The following ALDH1L1 variants were observed in gnomAD, a reference collection of about 807,000 sequenced individuals.
The protein encoded by ALDH1L1 is aldehyde dehydrogenase 1 family member L1, also known as cytosolic 10-formyltetrahydrofolate dehydrogenase.
A neutral mutation model predicts 101.1 loss-of-function variants in ALDH1L1; 68 were observed. The ratio of observed to expected loss-of-function variants is 0.67; its 90% CI spans 0.55 to 0.82. The LOEUF is 0.82. Ranked by LOEUF, ALDH1L1 falls within the 40% of genes least tolerant of loss-of-function variation. The probability of loss-of-function intolerance (pLI) is 0.00; values close to 1 mark genes in which losing one functional copy is unlikely to be tolerated. For synonymous variants in ALDH1L1, 486 were observed against 470.8 expected (o/e 1.03, Z -0.42); for missense variants, 1,087 against 1,172.7 (o/e 0.93, Z 1.07).
intron 22 of ALDH1L1, chr3:126,105,491 T>C (rs4646755): frequency 7.1e-6 from 4 of 561,334 alleles, no homozygotes; most frequent in East Asian, 6.7e-5. Context: ...GCCTCCTGGC[T>C]GGAGTGTCTC....
upstream of ALDH1L1, chr3:126,180,789 A>G (rs1451364145): frequency 6.7e-7 from 1 of 1,491,466 alleles, no homozygotes; most frequent in Non-Finnish European, 8.9e-7. Flanking sequence ...GCTTAGGTCA[A>G]GAAGACTTAC....
At chr3:126,105,543 C>A (rs778992026) in intron 22 of ALDH1L1, 183 bp downstream of exon 22, 121 of 713,158 alleles carry the variant, frequency 1.7e-4, no homozygotes, top group Non-Finnish European at 4.7e-5. Context: ...CACGACCCCC[C>A]TCTGCAAGCA....
chr3:126,172,245 A>C (rs1204389614), intron 1 of ALDH1L1, among the ~76,000 whole-genome samples: 1 of 152,212 alleles, frequency 6.6e-6, no homozygotes, highest in Non-Finnish European at 1.5e-5. Context: ...CCTAAACCAC[A>C]ATCAGATATG....
chr3:126,112,956 C>T (rs79298645), intron 18 of ALDH1L1, 76 bp from the exon 19 acceptor site: 77,918 of 1,376,384 alleles, frequency 0.057, 2,825 homozygotes, highest in African/African-American at 0.15. Context: ...AGGGCCCAGC[C>T]GCCTCTTCTA....
At chr3:126,138,892 T>C (rs1451557458) in intron 9 of ALDH1L1, among the ~76,000 whole-genome samples, 1 of 152,252 alleles carries the variant, frequency 6.6e-6, no homozygotes, top group East Asian at 1.9e-4. Flanking sequence ...TGTTGGAACT[T>C]TGGGGTCTAG....
At position 126,150,443 on chromosome 3, in the gene ALDH1L1, A is replaced by C. The variant is rs1412606178; in HGVS notation, c.947T>G (p.Leu316Arg). ...CGCAGTAACCAGCTCTGCCTCTGTC[A>C]GCTCAAGGACACTGCTGGCTGCCCC... The part of the protein sequence containing the change: ...FKGAASSVLE[L>R]TEAELVTAEA... The change falls in exon 8 of 23, where the codon CTG (leucine) becomes CGG (arginine). Residue 316 changes from leucine to arginine, a missense_variant. Physicochemically the swap from Leu to Arg is moderately radical, Grantham distance 102 (BLOSUM62 -2). Transcript: ENST00000393434. The C allele has an allele frequency of 1.3e-6, 2 of 1,551,628 alleles. No individual in the cohort carries two copies. The highest frequency in any genetic ancestry group is 4.9e-5 in the East Asian group (2 of 40,920).
chr3:126,149,714 C>T (rs567192070), intron 8 of ALDH1L1, among the ~76,000 whole-genome samples: 8 of 152,128 alleles, frequency 5.3e-5, no homozygotes, highest in African/African-American at 1.7e-4. Flanking sequence ...CTGCCCCTCA[C>T]CCCCTGGGCT....
intron 7 of ALDH1L1, 181 bp downstream of exon 7, chr3:126,153,263 G>A (rs1029015056): frequency 2.7e-5 from 24 of 886,816 alleles, no homozygotes; most frequent in Non-Finnish European, 3.6e-5. Flanking sequence ...AAACTGCCTC[G>A]GACACCCTGT....
chr3:126,168,582 A>T (rs949374585), intron 1 of ALDH1L1, among the ~76,000 whole-genome samples: 11 of 152,152 alleles, frequency 7.2e-5, no homozygotes, highest in Non-Finnish European at 1.6e-4. Context: ...ATTCTATTTC[A>T]TAATATCGAG....
intron 17 of ALDH1L1, among the ~76,000 whole-genome samples, chr3:126,117,661 AAC>A (rs2079997744): frequency 1.5e-5 from 2 of 129,238 alleles, no homozygotes; most frequent in Admixed American, 7.3e-5. Flanking sequence ...CAAAAAAAAA[AAC>A]AACAACAAAA....
chr3:126,154,669 C>A (rs938035485), intron 5 of ALDH1L1, 26 bp from the exon 6 acceptor site: 21 of 1,608,120 alleles, frequency 1.3e-5, no homozygotes, highest in Non-Finnish European at 1.8e-5. Flanking sequence ...TGTGTGTGCT[C>A]AGCTGGTCTC....
At chr3:126,112,924 G>T in intron 18 of ALDH1L1, 44 bp from the exon 19 acceptor site, 1 of 1,584,216 alleles carries the variant, frequency 6.3e-7, no homozygotes, top group South Asian at 1.1e-5. Context: ...CTCCTCCTGG[G>T]ACACCAGCCC....
At chr3:126,107,323 G>A in intron 20 of ALDH1L1, 77 bp from the exon 21 acceptor site, 1 of 1,226,376 alleles carries the variant, frequency 8.2e-7, no homozygotes, top group Non-Finnish European at 1.2e-6. Flanking sequence ...AGCAGGGCCT[G>A]GGCCACACCA....
intron 1 of ALDH1L1, among the ~76,000 whole-genome samples, chr3:126,174,458 C>A (rs1420746678): frequency 1.3e-5 from 2 of 152,228 alleles, no homozygotes; most frequent in South Asian, 4.1e-4. Flanking sequence ...AATACACATT[C>A]TTCTCAAGTT....
intron 6 of ALDH1L1, 52 bp from the exon 7 acceptor site, chr3:126,153,633 G>A (rs559837206): frequency 1.1e-4 from 176 of 1,581,098 alleles, no homozygotes; most frequent in Admixed American, 7.2e-4. Context: ...AGCCCCCGAA[G>A]CCAGTAGCCC....
intron 1 of ALDH1L1, among the ~76,000 whole-genome samples, chr3:126,162,814 T>C (rs2081088138): frequency 6.6e-6 from 1 of 152,230 alleles, no homozygotes; most frequent in African/African-American, 2.4e-5. Context: ...ATCTTTATTG[T>C]TTTGCCTTTT....
At chr3:126,164,859 G>A (rs558423330) in intron 1 of ALDH1L1, among the ~76,000 whole-genome samples, 4 of 152,254 alleles carry the variant, frequency 2.6e-5, no homozygotes, top group Admixed American at 2.6e-4. Flanking sequence ...TATAAGCGTT[G>A]TTTTCTCTAT....
At chr3:126,147,372 C>T (rs193252789) in intron 8 of ALDH1L1, among the ~76,000 whole-genome samples, 2 of 152,218 alleles carry the variant, frequency 1.3e-5, no homozygotes, top group Non-Finnish European at 2.9e-5. Flanking sequence ...AGGCTGGAGA[C>T]AGGGTGGGCC....
rs4646740 is a variant in ALDH1L1 at position 126,117,990 on chromosome 3, C to T, written c.1982+15G>A. On this transcript the variant is annotated intron_variant, in intron 17 of 22. Transcript: ENST00000393434. ...CCACAGCAGCCCCTCCTCTGCTCCACCCCCAGCCACGCACCTTTTCATGAT... is the reference window on the plus strand; with the variant it reads ...CCACAGCAGCCCCTCCTCTGCTCCATCCCCAGCCACGCACCTTTTCATGAT... 1 of 1,607,834 alleles carries T rather than the reference C, an allele frequency of 6.2e-7. No individual in the cohort carries two copies. Among genetic ancestry groups the T allele is most frequent in the Non-Finnish European group, 8.5e-7 (1 of 1,176,814 alleles).
Sources: allele counts gnomAD v4.1 joint callset (sites outside exome capture counted in the v4.1 genomes callset), GRCh38; gene constraint gnomAD v4.1.1; transcripts MANE v1.5; gene names NCBI Gene and HGNC (gene_info 2026-07-23, HGNC 2026-07-21).